The following SLC5A1 variants were observed in gnomAD, a reference collection of about 807,000 sequenced individuals.
SLC5A1 encodes solute carrier family 5 member 1, also known as sodium/glucose cotransporter 1.
SLC5A1 carries 42 observed loss-of-function variants against 73.5 expected under a neutral mutation model. That is an observed-to-expected ratio of 0.57 (90% CI 0.45 to 0.74). The LOEUF is 0.74. Ranked by LOEUF, SLC5A1 falls within the 30% of genes least tolerant of loss-of-function variation. The pLI, the probability that SLC5A1 is intolerant of heterozygous loss-of-function variation, is 0.00. For missense variants in SLC5A1, 634 were observed against 855.4 expected (o/e 0.74, Z 3.23); for synonymous variants, 300 against 317.4 (o/e 0.95, Z 0.58).
chr22:32,099,462 C>A, intron 12 of SLC5A1, 111 bp downstream of exon 12: 2 of 1,064,246 alleles, frequency 1.9e-6, no homozygotes, highest in Non-Finnish European at 2.9e-6. Context: ...CTTGAGCAGA[C>A]ACGGATGTGC....
chr22:32,100,071 A>C (rs1252886387), intron 12 of SLC5A1, among the ~76,000 whole-genome samples: 4 of 152,332 alleles, frequency 2.6e-5, no homozygotes, highest in Middle Eastern at 3.4e-3. Context: ...CATGGCATTC[A>C]AGTCAGAGAA....
chr22:32,043,459 AGAG>A lies in SLC5A1; in HGVS notation c.135+50_135+52del, dbSNP rs763252303. ...GGATGCGGGTGGGGAGGGTGCGCAC[AGAG>A]GAGGAGCAATGGCCTCGCTGAGCTG... On this transcript the variant is annotated intron_variant, in intron 1 of 14. Coordinates refer to ENST00000266088, the MANE Select transcript of SLC5A1 (RefSeq NM_000343.4). This position sits in a 1 kb window ranked among gnomAD's most constrained non-coding sequence, Gnocchi z 6.5. 1.7e-5 allele frequency: 27 copies of A among 1,608,720 alleles called. No individual in the cohort carries two copies. The South Asian group carries it at 2.0e-4, about 12-fold the overall frequency.
chr22:32,056,437 C>CTT (rs35843263), intron 2 of SLC5A1, among the ~76,000 whole-genome samples: 17,266 of 121,508 alleles, frequency 0.14, 1,716 homozygotes, highest in African/African-American at 0.21. Context: ...ACCTTCCTGT[C>CTT]TTTTTTTTTT....
Position 32,084,487 on chromosome 22 carries a change from A to C in SLC5A1, c.713A>C (p.Lys238Thr), listed in dbSNP as rs753884257. 1 of 1,614,244 alleles carries C rather than the reference A, an allele frequency of 6.2e-7. No individual in the cohort carries two copies. The highest frequency in any genetic ancestry group is 2.2e-5 in the East Asian group (1 of 44,872). ...GYDAFMEKYMKAIPTIVSDGN... is the reference protein window; with the variant it reads ...GYDAFMEKYMTAIPTIVSDGN... ...GACGCCTTCATGGAAAAGTACATGA[A>C]AGCCATTCCAACCATAGTGTCTGAT... The change falls in exon 8 of 15, where the codon AAA becomes ACA. Residue 238 changes from lysine (K) to threonine (T), a missense_variant. By Grantham distance (78) the Lys-to-Thr change is moderately conservative. Coordinates refer to ENST00000266088, the MANE Select transcript of SLC5A1 (RefSeq NM_000343.4).
intron 5 of SLC5A1, among the ~76,000 whole-genome samples, chr22:32,069,803 C>G (rs1389258200): frequency 1.3e-5 from 2 of 152,172 alleles, no homozygotes; most frequent in Non-Finnish European, 2.9e-5. Flanking sequence ...GAAACACAAG[C>G]AGCCAGTGCC....
At chr22:32,051,254 C>T (rs959291353) in intron 2 of SLC5A1, among the ~76,000 whole-genome samples, 10 of 152,170 alleles carry the variant, frequency 6.6e-5, no homozygotes, top group Admixed American at 5.9e-4. Flanking sequence ...TTGGCTTGTT[C>T]CAGCTTTGTG....
chr22:32,051,048 T>C (rs1404540777), intron 2 of SLC5A1, among the ~76,000 whole-genome samples: 1 of 152,112 alleles, frequency 6.6e-6, no homozygotes, highest in East Asian at 1.9e-4. Flanking sequence ...ACTCTTTGGA[T>C]ATTGGCAGCA....
intron 1 of SLC5A1, among the ~76,000 whole-genome samples, chr22:32,045,103 A>G (rs950097999): frequency 1.1e-4 from 16 of 152,152 alleles, no homozygotes; most frequent in Non-Finnish European, 1.5e-5. Flanking sequence ...TTTTTATGGT[A>G]CCAGGCACTC....
At chr22:32,087,975 T>A (rs1465035161) in intron 10 of SLC5A1, among the ~76,000 whole-genome samples, 1 of 152,114 alleles carries the variant, frequency 6.6e-6, no homozygotes, top group African/African-American at 2.4e-5. Flanking sequence ...TTTTAAAAAA[T>A]TAAAAAACTA....
chr22:32,096,440 A>C (rs1319942074), intron 11 of SLC5A1, among the ~76,000 whole-genome samples: 1 of 151,846 alleles, frequency 6.6e-6, no homozygotes, highest in African/African-American at 2.4e-5. Context: ...AGCCCCTCAC[A>C]CTGCAGCTCT....
chr22:32,061,667 A>G (rs935954623), intron 2 of SLC5A1, among the ~76,000 whole-genome samples: 2 of 152,188 alleles, frequency 1.3e-5, no homozygotes, highest in Non-Finnish European at 2.9e-5. Context: ...AGAGAGGCAG[A>G]TTCTTTAATA....
intron 10 of SLC5A1, 51 bp from the exon 11 acceptor site, chr22:32,091,560 CA>C (rs1426514059): frequency 1.2e-6 from 2 of 1,606,142 alleles, no homozygotes; most frequent in African/African-American, 2.7e-5. Flanking sequence ...TTTTCAAGTA[CA>C]AAAGAGCTGA....
chr22:32,044,123 G>A (rs1472204308), intron 1 of SLC5A1, among the ~76,000 whole-genome samples: 2 of 152,120 alleles, frequency 1.3e-5, no homozygotes, highest in Middle Eastern at 3.2e-3. Flanking sequence ...TGGAACATGG[G>A]CATTTCACTT....
chr22:32,045,900 T>C (rs2093936500), intron 1 of SLC5A1, among the ~76,000 whole-genome samples: 1 of 152,196 alleles, frequency 6.6e-6, no homozygotes, highest in Non-Finnish European at 1.5e-5. Flanking sequence ...TGTTTTTGTA[T>C]GGTCCATAAG....
Position 32,081,937 on chromosome 22 carries a change from C to T in SLC5A1, c.549C>T (p.Leu183=), listed in dbSNP as rs376255565. Residue 183 remains leucine, a synonymous_variant, in exon 6 of 15, where the codon CTC becomes CTT. Transcript: ENST00000266088. ...LGLNLYLAIF[L]LLAITALYTI... is the part of the protein sequence containing the mutation. ...TGAATCTGTATTTAGCCATCTTTCTCTTATTGGCAATCACTGCCCTTTACA... is the reference window on the plus strand; with the variant it reads ...TGAATCTGTATTTAGCCATCTTTCTTTTATTGGCAATCACTGCCCTTTACA... 136 of 1,613,374 alleles carry T rather than the reference C, an allele frequency of 8.4e-5. No homozygotes were observed. Among genetic ancestry groups the T allele is most frequent in the Non-Finnish European group, 1.1e-4 (132 of 1,179,476 alleles).
chr22:32,100,901 C>CA (rs1261820412), intron 12 of SLC5A1, among the ~76,000 whole-genome samples: 5 of 152,136 alleles, frequency 3.3e-5, no homozygotes, highest in African/African-American at 9.7e-5. Context: ...GATTGGGAGA[C>CA]AGAGAACTAT....
intron 9 of SLC5A1, among the ~76,000 whole-genome samples, chr22:32,085,603 T>C (rs2094006970): frequency 1.3e-5 from 2 of 148,970 alleles, no homozygotes; most frequent in Non-Finnish European, 3.0e-5. Context: ...TCCAGGTCAC[T>C]TCTCCCTAAT....
intron 5 of SLC5A1, among the ~76,000 whole-genome samples, chr22:32,073,405 A>G (rs1004096241): frequency 2.0e-5 from 3 of 152,146 alleles, no homozygotes; most frequent in Admixed American, 1.3e-4. Context: ...AGTTGGGGCC[A>G]ACACCTAGGA....
chr22:32,085,197 T>G (rs2094006167), intron 9 of SLC5A1, among the ~76,000 whole-genome samples, 162 bp downstream of exon 9: 1 of 151,972 alleles, frequency 6.6e-6, no homozygotes, highest in Admixed American at 6.6e-5. Context: ...CTCACTGCAG[T>G]CTCCAACTCT....
Sources: gnomAD v4.1 joint callset for allele counts (sites outside exome capture counted in the v4.1 genomes callset) on GRCh38, gnomAD v4.1.1 for gene constraint, Gnocchi (gnomAD v3.1) non-coding constraint, MANE v1.5 for transcripts, NCBI Gene and HGNC (gene_info 2026-07-23, HGNC 2026-07-21) for gene names.